Variants in OSBPL1A observed in about 807,000 individuals in gnomAD.
OSBPL1A encodes oxysterol binding protein like 1A, also known as oxysterol-binding protein-related protein 1.
In OSBPL1A, 80 loss-of-function variants were observed where a neutral mutation model predicts 137.1. The observed-to-expected ratio is 0.58, with a 90% CI of 0.49 to 0.70. The LOEUF is 0.70. Ranked by LOEUF, OSBPL1A falls within the 30% of genes least tolerant of loss-of-function variation. OSBPL1A has a pLI of 0.00. For synonymous variants in OSBPL1A, 365 were observed against 389.7 expected (o/e 0.94, Z 0.75); for missense variants, 970 against 1,129.4 (o/e 0.86, Z 2.02).
At chr18:24,336,221 C>T (rs138902274) in intron 5 of OSBPL1A, among the ~76,000 whole-genome samples, 8 of 152,182 alleles carry the variant, frequency 5.3e-5, no homozygotes, top group Non-Finnish European at 8.8e-5. Flanking sequence ...TCAATAAATA[C>T]GTGTTGAATA....
intron 15 of OSBPL1A, among the ~76,000 whole-genome samples, chr18:24,264,386 A>G (rs2146046330): frequency 6.6e-6 from 1 of 152,328 alleles, no homozygotes; most frequent in Non-Finnish European, 1.5e-5. Flanking sequence ...GTTAAGGCCA[A>G]TATTTTTTGA....
chr18:24,376,153 T>G (rs1906115197), intron 2 of OSBPL1A, among the ~76,000 whole-genome samples: 1 of 152,202 alleles, frequency 6.6e-6, no homozygotes, highest in Admixed American at 6.6e-5. Flanking sequence ...GGCAGCCTGC[T>G]GTTATTCTCT....
At chr18:24,191,437 A>G (rs1293380471) in intron 18 of OSBPL1A, among the ~76,000 whole-genome samples, 4 of 152,222 alleles carry the variant, frequency 2.6e-5, no homozygotes, top group Non-Finnish European at 5.9e-5. Flanking sequence ...TTCAAAAACA[A>G]GAACATAACT....
intron 16 of OSBPL1A, among the ~76,000 whole-genome samples, chr18:24,238,807 A>T (rs1195339766): frequency 6.6e-6 from 1 of 152,168 alleles, no homozygotes; most frequent in Non-Finnish European, 1.5e-5. Context: ...CTGTGCTATC[A>T]CCAAGCACTT....
chr18:24,217,943 T>C (rs1246554991), intron 17 of OSBPL1A, among the ~76,000 whole-genome samples: 2 of 151,290 alleles, frequency 1.3e-5, no homozygotes, highest in African/African-American at 4.9e-5. Flanking sequence ...ACCCCAGGAA[T>C]ACAACCAGCA....
At chr18:24,310,622 AG>A (rs2090605383) in intron 13 of OSBPL1A, among the ~76,000 whole-genome samples, 1 of 150,680 alleles carries the variant, frequency 6.6e-6, no homozygotes, top group South Asian at 2.1e-4. Flanking sequence ...AAAAAAGAAA[AG>A]AAAAAAAAAA....
In OSBPL1A at chr18:24,330,932, C is replaced by T. The variant is rs796412420; in HGVS notation, c.625+2010G>A. On this transcript the variant is annotated intron_variant, in intron 7 of 27. Coordinates refer to ENST00000319481, the MANE Select transcript of OSBPL1A (RefSeq NM_080597.4). ...GCTTCAGCCTCCCGAGTAGCTGGGA[C>T]TACAGGTGCACGCCACCATGCCTGG... Among the ~76,000 whole-genome samples the T allele has an allele frequency of 5.9e-5, 9 of 152,178 alleles. 1 individual carries two copies. Among genetic ancestry groups the T allele is most frequent in the African/African-American group, 1.9e-4 (8 of 41,540 alleles).
intron 14 of OSBPL1A, among the ~76,000 whole-genome samples, chr18:24,285,823 A>G (rs1054155357): frequency 6.6e-6 from 1 of 152,212 alleles, no homozygotes; most frequent in Non-Finnish European, 1.5e-5. Context: ...ATATACATGA[A>G]AGACCTGATC....
rs892467562 is a variant in OSBPL1A at position 24,372,285 on chromosome 18, A to G, written c.122-3913T>C. On this transcript the variant is annotated intron_variant, in intron 2 of 27. Transcript: ENST00000319481. ...GCAAGACGCTGTCGCAAAAAAAAAA[A>G]AAAGAAAGAAAAAGAAAAAAAGAGG... Among the ~76,000 whole-genome samples the G allele has an allele frequency of 2.6e-5, 4 of 151,942 alleles. No individual in the cohort carries two copies. In the East Asian group the frequency reaches 5.8e-4, roughly 22 times the overall value.
At chr18:24,330,919 C>CG (rs1568032642) in intron 7 of OSBPL1A, among the ~76,000 whole-genome samples, 1 of 151,988 alleles carries the variant, frequency 6.6e-6, no homozygotes, top group Admixed American at 6.6e-5. Flanking sequence ...TTCAGCCTCC[C>CG]GAGTAGCTGG....
At chr18:24,282,514 T>G (rs1172063768) in intron 14 of OSBPL1A, among the ~76,000 whole-genome samples, 1 of 152,068 alleles carries the variant, frequency 6.6e-6, no homozygotes, top group Non-Finnish European at 1.5e-5. Flanking sequence ...GCCCTGGTCC[T>G]CTAAAGAAAA....
At chr18:24,367,377 C>G (rs1253771703) in intron 3 of OSBPL1A, 1 of 152,186 alleles carries the variant, frequency 6.6e-6, no homozygotes, top group African/African-American at 2.4e-5. Flanking sequence ...CGCAGTGGCT[C>G]ACACCTGTAA....
At chr18:24,318,862 A>G in intron 7 of OSBPL1A, 53 bp from the exon 8 acceptor site, 1 of 1,411,768 alleles carries the variant, frequency 7.1e-7, no homozygotes, top group Non-Finnish European at 9.9e-7. Flanking sequence ...GTACTATGAC[A>G]ATCAATGCTG....
chr18:24,352,723 G>C (rs1394853484), intron 4 of OSBPL1A, among the ~76,000 whole-genome samples: 1 of 152,136 alleles, frequency 6.6e-6, no homozygotes, highest in Admixed American at 6.5e-5. Flanking sequence ...CAGAGATATA[G>C]ACCAATGGAA....
chr18:24,214,982 TAAATGATC>T (rs1209389571), intron 17 of OSBPL1A, among the ~76,000 whole-genome samples: 1 of 152,256 alleles, frequency 6.6e-6, no homozygotes, highest in African/African-American at 2.4e-5. Context: ...ACTCTGTTTA[TAAATGATC>T]TGAGATGCTT....
intron 7 of OSBPL1A, among the ~76,000 whole-genome samples, chr18:24,330,189 A>ATGG (rs533386440): frequency 1.6e-3 from 239 of 152,262 alleles, no homozygotes; most frequent in African/African-American, 5.4e-3. Context: ...GACCATTTCA[A>ATGG]TGGCCCTGCT....
At chr18:24,394,533 C>T (rs1907596495) in intron 1 of OSBPL1A, among the ~76,000 whole-genome samples, 1 of 152,054 alleles carries the variant, frequency 6.6e-6, no homozygotes, top group African/African-American at 2.4e-5. Context: ...AGCAGAGAAC[C>T]CTACAAATTT....
intron 13 of OSBPL1A, 122 bp from the exon 14 acceptor site, chr18:24,303,840 C>A: frequency 4.4e-6 from 3 of 677,710 alleles, no homozygotes; most frequent in South Asian, 2.2e-5. Context: ...GAGACATATG[C>A]CTTAAAGAAA....
chr18:24,363,633 T>C (rs759987949), intron 4 of OSBPL1A, among the ~76,000 whole-genome samples: 3 of 151,254 alleles, frequency 2.0e-5, no homozygotes, highest in Non-Finnish European at 4.4e-5. Context: ...TTTCCCTTCC[T>C]TCCTTCCTTT....
Sources: gnomAD v4.1 joint callset for allele counts (sites outside exome capture counted in the v4.1 genomes callset) on GRCh38, gnomAD v4.1.1 for gene constraint, MANE v1.5 for transcripts, NCBI Gene and HGNC (gene_info 2026-07-23, HGNC 2026-07-21) for gene names.